The following ZCWPW2 variants were observed in gnomAD, a reference collection of about 807,000 sequenced individuals.
ZCWPW2 encodes zinc finger CW-type PWWP domain protein 2.
ZCWPW2 carries 45 observed loss-of-function variants against 46.6 expected under a neutral mutation model. The observed-to-expected ratio is 0.96, with a 90% CI of 0.76 to 1.24. The LOEUF is 1.24. Ranked by LOEUF, ZCWPW2 falls within the 50% of genes most tolerant of loss-of-function variation. The probability of loss-of-function intolerance (pLI) is 0.00; values close to 1 mark genes in which losing one functional copy is unlikely to be tolerated. For synonymous variants in ZCWPW2, 152 were observed against 137.1 expected (o/e 1.11, Z -0.76); for missense variants, 429 against 403.9 (o/e 1.06, Z -0.53).
chr3:28,440,446 C>T (rs773150488), intron 4 of ZCWPW2, among the ~76,000 whole-genome samples: 2 of 152,196 alleles, frequency 1.3e-5, no homozygotes, highest in Non-Finnish European at 2.9e-5. Flanking sequence ...TCCATTTCTA[C>T]CTCTTGATTC....
At chr3:28,516,150 G>A (rs769871449) in intron 8 of ZCWPW2, among the ~76,000 whole-genome samples, 2 of 151,822 alleles carry the variant, frequency 1.3e-5, no homozygotes, top group Non-Finnish European at 2.9e-5. Flanking sequence ...TGAGGCAGGA[G>A]AATCACTTGA....
chr3:28,348,949 A>C lies in ZCWPW2; in HGVS notation c.-388A>C, dbSNP rs868643496. On this transcript the variant is annotated 5_prime_UTR_variant, in exon 1 of 10. Transcript: ENST00000383768. ...GCCGGAGGGAGGGGAAGCACTCCGG[A>C]AAGTGATTGGAAGTGTGGATGAGCT... The C allele has an allele frequency of 5.1e-6, 5 of 985,432 alleles. No homozygotes were observed. Among genetic ancestry groups the C allele is most frequent in the Non-Finnish European group, 6.0e-6 (5 of 829,982 alleles). 61.0% of individuals were successfully genotyped at this position (985,432 alleles called of 1,614,324 possible). A position where few individuals can be genotyped will look rare whatever the true frequency, so the allele number is the denominator to read the frequency against.
intron 4 of ZCWPW2, among the ~76,000 whole-genome samples, chr3:28,444,409 G>T (rs548351778): frequency 6.6e-6 from 1 of 152,136 alleles, no homozygotes; most frequent in Non-Finnish European, 1.5e-5. Context: ...GCAGTGTAGG[G>T]TTTATCTCCT....
rs1472664785 is a variant in ZCWPW2 at position 28,349,087 on chromosome 3, T to C, written c.-250T>C. The C allele has an allele frequency of 2.0e-6, 2 of 985,230 alleles. No individual in the cohort carries two copies. The highest frequency in any genetic ancestry group is 2.4e-6 in the Non-Finnish European group (2 of 830,054). 61.0% of individuals were successfully genotyped at this position (985,230 alleles called of 1,614,324 possible). A position where few individuals can be genotyped will look rare whatever the true frequency, so the allele number is the denominator to read the frequency against. On this transcript the variant is annotated 5_prime_UTR_variant, in exon 1 of 10. Transcript: ENST00000383768. Reference sequence around the variant, plus strand: ...AGGGCGTTAGCGAAGCCAGGTTCGGTCGTGGGGGTGGGGAAGTGCAGGAGT... The same window carrying C: ...AGGGCGTTAGCGAAGCCAGGTTCGGCCGTGGGGGTGGGGAAGTGCAGGAGT...
chr3:28,520,155 C>T (rs1700684817), intron 8 of ZCWPW2, among the ~76,000 whole-genome samples: 1 of 151,946 alleles, frequency 6.6e-6, no homozygotes, highest in Non-Finnish European at 1.5e-5. Flanking sequence ...CAGGCACCCA[C>T]CACCACGCCA....
At position 28,492,164 on chromosome 3, in the gene ZCWPW2, C is replaced by T. The variant is rs2125816979; in HGVS notation, c.648C>T (p.Val216=). ...SETHDKVAAL[V]KKRKQTSKNN... ...CACATGACAAAGTTGCTGCACTGGT[C>T]AAGAAAAGGGTAAGATTGTGTTTTA... The change falls in exon 6 of 10, where the codon GTC becomes GTT. Residue 216 remains valine (V), a synonymous_variant. Coordinates refer to ENST00000383768, the MANE Select transcript of ZCWPW2 (RefSeq NM_001040432.4). The T allele has an allele frequency of 1.9e-6, 3 of 1,605,120 alleles. No individual in the cohort carries two copies. Among genetic ancestry groups the T allele is most frequent in the Middle Eastern group, 1.7e-4 (1 of 5,972 alleles).
At chr3:28,518,932 A>G (rs142474110) in intron 8 of ZCWPW2, among the ~76,000 whole-genome samples, 8 of 152,356 alleles carry the variant, frequency 5.3e-5, no homozygotes, top group Non-Finnish European at 8.8e-5. Flanking sequence ...TAGTTTTATT[A>G]ACAAAAGTGC....
At chr3:28,440,994 T>G (rs907034461) in intron 4 of ZCWPW2, among the ~76,000 whole-genome samples, 27 of 152,286 alleles carry the variant, frequency 1.8e-4, no homozygotes, top group African/African-American at 6.5e-4. Context: ...CACTCAGCAG[T>G]GGCTGTAGCC....
intron 1 of ZCWPW2, among the ~76,000 whole-genome samples, chr3:28,362,022 G>C (rs1015052808): frequency 6.6e-6 from 1 of 151,934 alleles, no homozygotes; most frequent in African/African-American, 2.4e-5. Context: ...TACTTCAAAG[G>C]TATTTATCCA....
At chr3:28,402,375 G>A (rs1261848317) in intron 2 of ZCWPW2, among the ~76,000 whole-genome samples, 1 of 152,090 alleles carries the variant, frequency 6.6e-6, no homozygotes, top group Non-Finnish European at 1.5e-5. Context: ...GCTTAAATCA[G>A]GAAGAATTAG....
chr3:28,379,706 A>G lies in ZCWPW2; in HGVS notation c.-133-10792A>G, dbSNP rs76796276. Among the ~76,000 whole-genome samples, 1,047 of 152,226 alleles carry G rather than the reference A, an allele frequency of 6.9e-3. 10 individuals are homozygous for G. The highest frequency in any genetic ancestry group is 0.023 in the African/African-American group (945 of 41,560). ...TACAAGGAAATGATTGTACTCTTTA[A>G]ATGGGTGACTTTTGTGAAATGTGAA... On this transcript the variant is annotated intron_variant, in intron 1 of 9. Coordinates refer to ENST00000383768, the MANE Select transcript of ZCWPW2 (RefSeq NM_001040432.4).
chr3:28,479,337 A>C (rs192916769), intron 5 of ZCWPW2, among the ~76,000 whole-genome samples: 1 of 152,292 alleles, frequency 6.6e-6, no homozygotes. Flanking sequence ...AAAATATTGC[A>C]TTTTGAAATA....
intron 1 of ZCWPW2, among the ~76,000 whole-genome samples, chr3:28,364,586 T>A (rs753368560): frequency 5.9e-5 from 9 of 152,180 alleles, no homozygotes; most frequent in Non-Finnish European, 1.0e-4. Context: ...GTAAAACTAT[T>A]CCCTTTTCAC....
intron 4 of ZCWPW2, among the ~76,000 whole-genome samples, chr3:28,465,226 A>T (rs552147586): frequency 1.1e-4 from 16 of 152,322 alleles, no homozygotes; most frequent in African/African-American, 3.8e-4. Context: ...GATGGAACTT[A>T]ACCATAATGG....
At chr3:28,431,340 A>G (rs1234512995) in intron 3 of ZCWPW2, among the ~76,000 whole-genome samples, 2 of 152,124 alleles carry the variant, frequency 1.3e-5, no homozygotes, top group African/African-American at 4.8e-5. Context: ...AACAACAGAA[A>G]TTTATTTTCT....
In ZCWPW2 at chr3:28,450,240, G is replaced by C. The variant is rs75394130; in HGVS notation, c.492+14971G>C. On this transcript the variant is annotated intron_variant, in intron 4 of 9. Transcript: ENST00000383768. Reference sequence around the variant, plus strand: ...CTTTGGTTATGGTTTATAGCTTTCTGTTGGCTTTCTTTGGAGTACTTCTTT... The same window carrying C: ...CTTTGGTTATGGTTTATAGCTTTCTCTTGGCTTTCTTTGGAGTACTTCTTT... 0.012 allele frequency among the ~76,000 whole-genome samples: 1,802 copies of C among 152,230 alleles called. 66 individuals carry two copies. The East Asian group carries it at 0.15, about 12-fold the overall frequency.
At chr3:28,448,784 C>CAAAAAA (rs576935771) in intron 4 of ZCWPW2, among the ~76,000 whole-genome samples, 7 of 65,356 alleles carry the variant, frequency 1.1e-4, no homozygotes, top group Non-Finnish European at 1.7e-4. Flanking sequence ...GACTCTGTCT[C>CAAAAAA]AAAAAAAAAA....
intron 4 of ZCWPW2, among the ~76,000 whole-genome samples, chr3:28,475,552 G>C (rs1466348305): frequency 6.6e-6 from 1 of 152,152 alleles, no homozygotes; most frequent in Non-Finnish European, 1.5e-5. Flanking sequence ...ACTCAAAGTA[G>C]TAGCCAAAGA....
intron 4 of ZCWPW2, among the ~76,000 whole-genome samples, chr3:28,436,782 T>C (rs1697519101): frequency 1.3e-5 from 2 of 152,180 alleles, no homozygotes; most frequent in African/African-American, 4.8e-5. Flanking sequence ...TCTGACGTTT[T>C]GAATGTGCTC....
Sources: gnomAD v4.1 joint callset for allele counts (sites outside exome capture counted in the v4.1 genomes callset) on GRCh38, gnomAD v4.1.1 for gene constraint, MANE v1.5 for transcripts, NCBI Gene and HGNC (gene_info 2026-07-23, HGNC 2026-07-21) for gene names.